Variants in TENM4 observed in about 807,000 individuals in gnomAD.
TENM4 encodes the protein teneurin-4.
In TENM4, 82 loss-of-function variants were observed where a neutral mutation model predicts 243.3. That is an observed-to-expected ratio of 0.34 (90% CI 0.28 to 0.40). The LOEUF is 0.40. Ranked by LOEUF, TENM4 falls within the 10% of genes least tolerant of loss-of-function variation. The probability of loss-of-function intolerance (pLI) is 1.00; values close to 1 mark genes in which losing one functional copy is unlikely to be tolerated. For missense variants in TENM4, 3,138 were observed against 3,673.3 expected, an observed-to-expected ratio of 0.85 and a Z score of 3.77; for synonymous variants, 1,412 against 1,456.3, an observed-to-expected ratio of 0.97 and a Z score of 0.69.
chr11:79,419,537 C>T (rs1030177839), intron 1 of TENM4, among the ~76,000 whole-genome samples: 2 of 152,104 alleles, frequency 1.3e-5, no homozygotes, highest in Non-Finnish European at 2.9e-5. Flanking sequence ...ATTAGATTGG[C>T]AAAAAGGAAA....
intron 19 of TENM4, chr11:78,749,422 G>A (rs1274765382): frequency 6.6e-6 from 1 of 150,980 alleles, no homozygotes; most frequent in Non-Finnish European, 1.5e-5. Context: ...AAATGCAGGA[G>A]TATAATTCAA....
chr11:78,849,034 C>A (rs964779069), intron 12 of TENM4, among the ~76,000 whole-genome samples: 7 of 152,306 alleles, frequency 4.6e-5, no homozygotes, highest in Admixed American at 3.9e-4. Context: ...ATTCTCATTT[C>A]TTTTCTCTAG....
In TENM4 at chr11:78,722,881, A is replaced by G; in HGVS notation, c.3587T>C (p.Val1196Ala). The change falls in exon 24 of 34, where the codon GTG becomes GCG. Residue 1196 changes from valine (V) to alanine (A), a missense_variant. Around this residue, in one of 2 missense-constraint regions of TENM4, gnomAD observed 2,467 missense variants for 3,059.1 expected, o/e 0.81. Transcript: ENST00000278550. ...LHKGNGENQFVSQQPPVIGSI... is the reference protein window; with the variant it reads ...LHKGNGENQFASQQPPVIGSI... ...CCCAATGACAGGAGGCTGCTGAGAC[A>G]CAAACTGGTTCTCCCCATTCCCTTT... The G allele has an allele frequency of 2.5e-6, 4 of 1,614,072 alleles. No individual in the cohort carries two copies. The highest frequency in any genetic ancestry group is 3.4e-6 in the Non-Finnish European group (4 of 1,179,894).
chr11:78,768,806 C>A (rs1459341518), intron 18 of TENM4, among the ~76,000 whole-genome samples: 1 of 152,136 alleles, frequency 6.6e-6, no homozygotes, highest in Admixed American at 6.5e-5. Context: ...ATGACAAGAA[C>A]CTCTCTCTCC....
Position 78,903,639 on chromosome 11 carries a change from A to G in TENM4, c.494-116T>C, listed in dbSNP as rs556711503. On this transcript the variant is annotated intron_variant, in intron 6 of 33. Coordinates refer to ENST00000278550, the MANE Select transcript of TENM4 (RefSeq NM_001098816.3). Reference sequence around the variant, plus strand: ...AAGAGGGAGCCGGCAGATTATACATATTGATGCAGTCAATCAGTAATTACA... The same window carrying G: ...AAGAGGGAGCCGGCAGATTATACATGTTGATGCAGTCAATCAGTAATTACA... 5.5e-6 allele frequency: 8 copies of G among 1,447,428 alleles called. No individual in the cohort carries two copies. The East Asian group carries it at 2.0e-4, about 36-fold the overall frequency. The allele number at this position is 1,447,428 out of a possible 1,614,324, so 89.7% of individuals were successfully genotyped here.
chr11:79,036,879 C>T (rs569605362), intron 6 of TENM4, among the ~76,000 whole-genome samples: 14 of 151,886 alleles, frequency 9.2e-5, no homozygotes, highest in South Asian at 4.2e-4. Flanking sequence ...GGCATGGTGG[C>T]GGTCACCTGT....
intron 3 of TENM4, among the ~76,000 whole-genome samples, chr11:79,212,865 C>A (rs1863979591): frequency 6.6e-6 from 1 of 152,184 alleles, no homozygotes; most frequent in Non-Finnish European, 1.5e-5. Flanking sequence ...AAGTTGGCAA[C>A]AAGTCTCCGC....
chr11:79,231,384 AT>A (rs11293184), intron 2 of TENM4, among the ~76,000 whole-genome samples: 12,367 of 147,388 alleles, frequency 0.084, 684 homozygotes, highest in East Asian at 0.19. Context: ...TAAATTAGTA[AT>A]TTTTTTTTTT....
In TENM4 at chr11:78,771,276, A is replaced by C. The variant is rs186570929; in HGVS notation, c.2393-138T>G. On this transcript the variant is annotated intron_variant, in intron 17 of 33. Transcript: ENST00000278550. ...AATGCCCACAGCAGCCCAGGGAGGT[A>C]GGTATCATTAGGAATTGCCACTTTA... The C allele has an allele frequency of 2.7e-3, 2,898 of 1,092,878 alleles. 54 individuals carry two copies. Among genetic ancestry groups the C allele is most frequent in the East Asian group, 7.4e-3 (283 of 38,260 alleles). The allele number at this position is 1,092,878 out of a possible 1,614,324, so 67.7% of individuals were successfully genotyped here.
At chr11:79,191,658 C>T (rs1863496524) in intron 3 of TENM4, 1 of 197,258 alleles carries the variant, frequency 5.1e-6, no homozygotes. Context: ...CTCTGCCCGG[C>T]CGCCATCCCA....
intron 1 of TENM4, among the ~76,000 whole-genome samples, chr11:79,299,945 T>C (rs1378232294): frequency 1.3e-5 from 2 of 152,228 alleles, no homozygotes; most frequent in Non-Finnish European, 2.9e-5. Context: ...TCCCCATTTC[T>C]GCACTGAATA....
At chr11:78,660,734 C>A (rs1858010342) in intron 33 of TENM4, among the ~76,000 whole-genome samples, 1 of 152,128 alleles carries the variant, frequency 6.6e-6, no homozygotes, top group Non-Finnish European at 1.5e-5. Flanking sequence ...GAGTTGGGTT[C>A]TCATAGAGAA....
intron 6 of TENM4, among the ~76,000 whole-genome samples, chr11:79,034,502 T>C (rs1389165470): frequency 1.3e-5 from 2 of 152,204 alleles, no homozygotes; most frequent in Non-Finnish European, 2.9e-5. Flanking sequence ...TTTTTAGCTT[T>C]CTAGGAATTT....
At chr11:78,721,225 G>A (rs1565348385) in intron 24 of TENM4, among the ~76,000 whole-genome samples, 1 of 152,226 alleles carries the variant, frequency 6.6e-6, no homozygotes, top group Non-Finnish European at 1.5e-5. Flanking sequence ...GTCTGTGCCA[G>A]TCAGACTCAT....
intron 12 of TENM4, among the ~76,000 whole-genome samples, chr11:78,839,231 C>G (rs181368827): frequency 5.3e-5 from 8 of 152,264 alleles, no homozygotes; most frequent in Non-Finnish European, 7.4e-5. Context: ...GTTTGACATT[C>G]CATTAAACTT....
chr11:79,353,156 C>T (rs945604221), intron 1 of TENM4, among the ~76,000 whole-genome samples: 5 of 152,160 alleles, frequency 3.3e-5, no homozygotes, highest in East Asian at 1.9e-4. Context: ...TTAACCAGCA[C>T]GAGGCACCAA....
intron 3 of TENM4, among the ~76,000 whole-genome samples, chr11:79,194,884 C>G (rs1322760979): frequency 6.6e-6 from 1 of 152,092 alleles, no homozygotes; most frequent in Non-Finnish European, 1.5e-5. Flanking sequence ...CAGGCCATGT[C>G]AGAGACCTTC....
In TENM4 at chr11:79,400,534, G is replaced by A. The variant is rs532748439; in HGVS notation, c.-321+39975C>T. Among the ~76,000 whole-genome samples, 4 of 152,208 alleles carry A rather than the reference G, an allele frequency of 2.6e-5. No homozygotes were observed. In the East Asian group the frequency reaches 7.7e-4, roughly 29 times the overall value. On this transcript the variant is annotated intron_variant, in intron 1 of 33. Transcript: ENST00000278550. ...GCATCTCTCTTGCCCTCTCCTCCCTGTGCTCTTCCTGGAACTTCAGAAGAG... is the reference window on the plus strand; with the variant it reads ...GCATCTCTCTTGCCCTCTCCTCCCTATGCTCTTCCTGGAACTTCAGAAGAG...
chr11:79,151,682 C>T (rs72935353), intron 3 of TENM4, among the ~76,000 whole-genome samples: 8,437 of 152,114 alleles, frequency 0.055, 340 homozygotes, highest in Non-Finnish European at 0.079. Context: ...GGCTCAAATA[C>T]CTCATTATCC....
Sources: allele counts gnomAD v4.1 joint callset (sites outside exome capture counted in the v4.1 genomes callset), GRCh38; gene constraint gnomAD v4.1.1; regional missense constraint gnomAD v4.1.1; transcripts MANE v1.5; gene names NCBI Gene and HGNC (gene_info 2026-07-23, HGNC 2026-07-21).